The following TRIO variants were observed in gnomAD, a reference collection of about 807,000 sequenced individuals.
TRIO encodes trio Rho guanine nucleotide exchange factor.
TRIO carries 58 observed loss-of-function variants against 351.9 expected under a neutral mutation model. The ratio of observed to expected loss-of-function variants is 0.16; its 90% confidence interval spans 0.13 to 0.21. TRIO has a LOEUF of 0.21. TRIO is among the 10% of genes least tolerant of loss of function. TRIO has a pLI of 1.00. For synonymous variants in TRIO, 1,758 were observed against 1,595.7 expected (o/e 1.10, Z -2.42); for missense variants, 3,201 against 4,027.8 (o/e 0.79, Z 5.56).
intron 6 of TRIO, among the ~76,000 whole-genome samples, chr5:14,296,146 G>A (rs1008383155): frequency 4.6e-5 from 7 of 152,150 alleles, no homozygotes; most frequent in Non-Finnish European, 2.9e-5. Flanking sequence ...GGGGAAAAAC[G>A]TAGGGAAGTT....
Position 14,487,616 on chromosome 5 carries a change from G to A in TRIO, c.6988G>A (p.Ala2330Thr). The change falls in exon 48 of 57, where the codon GCC (alanine) becomes ACC (threonine). Residue 2330 changes from alanine to threonine, a missense_variant. By Grantham distance (58) the Ala-to-Thr change is moderately conservative. Coordinates refer to ENST00000344204, the MANE Select transcript of TRIO (RefSeq NM_007118.4). ...TGGCGGCCCCAGCAGCTGCGGCGGCGCCCCCAGCACGAGCAGGAGCCGGCC... is the reference window on the plus strand; with the variant it reads ...TGGCGGCCCCAGCAGCTGCGGCGGCACCCCCAGCACGAGCAGGAGCCGGCC... ...HSGGPSSCGG[A>T]PSTSRSRPSR... 1 of 1,187,912 alleles carries A rather than the reference G, an allele frequency of 8.4e-7. No individual in the cohort carries two copies. The highest frequency in any genetic ancestry group is 3.9e-5 in the South Asian group (1 of 25,934). The allele number at this position is 1,187,912 out of a possible 1,614,324, so 73.6% of individuals were successfully genotyped here. A position where few individuals can be genotyped will look rare whatever the true frequency, so the allele number is the denominator to read the frequency against.
At chr5:14,169,315 A>G (rs1471786869) in intron 1 of TRIO, among the ~76,000 whole-genome samples, 1 of 152,042 alleles carries the variant, frequency 6.6e-6, no homozygotes, top group East Asian at 1.9e-4. Context: ...TATTTTTAAG[A>G]AAGTGTCTCT....
chr5:14,459,623 C>T (rs1034932950), intron 34 of TRIO, among the ~76,000 whole-genome samples: 1 of 152,100 alleles, frequency 6.6e-6, no homozygotes, highest in Non-Finnish European at 1.5e-5. Flanking sequence ...GTCTGTAGTT[C>T]CAGCTACTTG....
At chr5:14,281,335 G>A (rs542885226) in intron 3 of TRIO, among the ~76,000 whole-genome samples, 1 of 152,030 alleles carries the variant, frequency 6.6e-6, no homozygotes, top group African/African-American at 2.4e-5. Context: ...TGGAGGTAGG[G>A]GGTCAGGTGC....
intron 36 of TRIO, 73 bp downstream of exon 36, chr5:14,462,998 A>C (rs1753948644): frequency 6.8e-7 from 1 of 1,462,386 alleles, no homozygotes; most frequent in Admixed American, 2.8e-5. Context: ...GCTGCTTCAC[A>C]CCAGCCTCAT....
chr5:14,485,345 C>A (rs186151410), intron 47 of TRIO, 99 bp downstream of exon 47: 19 of 1,303,018 alleles, frequency 1.5e-5, no homozygotes, highest in Admixed American at 1.3e-4. Flanking sequence ...AATGACAGAA[C>A]TTAGCACTCA....
intron 8 of TRIO, among the ~76,000 whole-genome samples, chr5:14,307,151 C>T (rs1738444055): frequency 1.3e-5 from 2 of 152,220 alleles, no homozygotes; most frequent in Non-Finnish European, 2.9e-5. Context: ...AGAACTCCCA[C>T]ATTGCCTCGA....
intron 30 of TRIO, among the ~76,000 whole-genome samples, chr5:14,399,803 A>G (rs1187878379): frequency 1.3e-5 from 2 of 152,158 alleles, no homozygotes; most frequent in Non-Finnish European, 2.9e-5. Context: ...CGTTTCTCAG[A>G]GGCTTATTCA....
intron 1 of TRIO, among the ~76,000 whole-genome samples, chr5:14,185,932 A>G (rs766373724): frequency 1.1e-4 from 16 of 152,152 alleles, no homozygotes; most frequent in Middle Eastern, 6.3e-3. Flanking sequence ...TCCGCCAGTG[A>G]AGAACTGTGC....
chr5:14,246,379 C>A (rs779128625), intron 1 of TRIO, among the ~76,000 whole-genome samples: 3 of 152,186 alleles, frequency 2.0e-5, no homozygotes, highest in Non-Finnish European at 4.4e-5. Flanking sequence ...AATACCAAGT[C>A]CATGAATAAA....
intron 1 of TRIO, among the ~76,000 whole-genome samples, chr5:14,216,818 G>A (rs1430110865): frequency 6.6e-6 from 1 of 152,208 alleles, no homozygotes; most frequent in Admixed American, 6.5e-5. Context: ...TGTTTTCCAT[G>A]ACTGGCCTAT....
At position 14,509,640 on chromosome 5, in the gene TRIO, A is replaced by AATTGGC. The variant is rs1757959715; in HGVS notation, c.*1219_*1224dup. 1 of 328,120 alleles carries AATTGGC rather than the reference A, an allele frequency of 3.0e-6. No individual in the cohort carries two copies. 20.3% of individuals were successfully genotyped at this position (328,120 alleles called of 1,614,324 possible). A position where few individuals can be genotyped will look rare whatever the true frequency, so the allele number is the denominator to read the frequency against. ...TTTGACGTTGAACTTTCTGTATAAA[A>AATTGGC]ATTGGCTGGGTTTTGAGCTTTTGGT... On this transcript the variant is annotated 3_prime_UTR_variant, in exon 57 of 57. Transcript: ENST00000344204.
chr5:14,424,674 G>A (rs943096700), intron 34 of TRIO, among the ~76,000 whole-genome samples: 1 of 152,180 alleles, frequency 6.6e-6, no homozygotes, highest in Non-Finnish European at 1.5e-5. Flanking sequence ...TGACCAGACT[G>A]GCTGCAGTAG....
At chr5:14,465,427 G>T in intron 36 of TRIO, 118 bp from the exon 37 acceptor site, 2 of 904,308 alleles carry the variant, frequency 2.2e-6, no homozygotes, top group Non-Finnish European at 1.7e-6. Context: ...CAAACTTGTG[G>T]TCTTTTTGTC....
chr5:14,224,840 A>AGTAG (rs1425066371), intron 1 of TRIO, among the ~76,000 whole-genome samples: 1 of 152,188 alleles, frequency 6.6e-6, no homozygotes, highest in Non-Finnish European at 1.5e-5. Context: ...AAGGGCAAAA[A>AGTAG]GTAGGATACC....
At chr5:14,217,723 C>G (rs1310411133) in intron 1 of TRIO, among the ~76,000 whole-genome samples, 1 of 152,272 alleles carries the variant, frequency 6.6e-6, no homozygotes, top group Non-Finnish European at 1.5e-5. Flanking sequence ...GCACTTGCTG[C>G]AGCCCTGTGT....
At chr5:14,375,599 G>T (rs940575652) in intron 19 of TRIO, among the ~76,000 whole-genome samples, 1 of 152,190 alleles carries the variant, frequency 6.6e-6, no homozygotes, top group Non-Finnish European at 1.5e-5. Context: ...CTAAGTTCCT[G>T]TAAGAGTAAT....
intron 29 of TRIO, 62 bp from the exon 30 acceptor site, chr5:14,398,818 T>C: frequency 1.4e-6 from 2 of 1,470,538 alleles, no homozygotes; most frequent in East Asian, 2.3e-5. Context: ...AATAATGCTT[T>C]CTTGTGCATC....
chr5:14,246,315 C>T (rs1376314442), intron 1 of TRIO, among the ~76,000 whole-genome samples: 1 of 152,304 alleles, frequency 6.6e-6, no homozygotes, highest in Non-Finnish European at 1.5e-5. Flanking sequence ...TGGGGTTTAA[C>T]ATCATTGAGG....
Sources: gnomAD v4.1 joint callset for allele counts (sites outside exome capture counted in the v4.1 genomes callset) on GRCh38, gnomAD v4.1.1 for gene constraint, MANE v1.5 for transcripts, NCBI Gene and HGNC (gene_info 2026-07-23, HGNC 2026-07-21) for gene names.